Variants in ZNF682 observed in about 807,000 individuals in gnomAD.
ZNF682 encodes the protein zinc finger protein 682.
Under a neutral mutation model 36.5 loss-of-function variants are expected in ZNF682, and 29 were observed. The ratio of observed to expected loss-of-function variants is 0.80; its 90% CI spans 0.59 to 1.08. The LOEUF is 1.08. ZNF682 is among the 50% of genes least tolerant of loss of function. The pLI is 0.00. For synonymous variants in ZNF682, 180 were observed against 197.0 expected, an observed-to-expected ratio of 0.91 and a Z score of 0.72; for missense variants, 561 against 579.7, an observed-to-expected ratio of 0.97 and a Z score of 0.33.
intron 1 of ZNF682, among the ~76,000 whole-genome samples, chr19:20,033,127 C>CACAA (rs1568547351): frequency 6.6e-6 from 1 of 151,950 alleles, no homozygotes; most frequent in African/African-American, 2.4e-5. Flanking sequence ...ATTAGCCAGG[C>CACAA]GTTGTGGTGG....
intron 1 of ZNF682, among the ~76,000 whole-genome samples, chr19:20,034,891 G>C (rs769779146): frequency 1.3e-5 from 2 of 152,146 alleles, no homozygotes; most frequent in Non-Finnish European, 2.9e-5. Flanking sequence ...CAGGTCCAAA[G>C]TTCGAGACCA....
At chr19:19,998,526 ACTAT>A (rs1003596809) in intron 3 of ZNF682, among the ~76,000 whole-genome samples, 3 of 152,132 alleles carry the variant, frequency 2.0e-5, no homozygotes, top group African/African-American at 7.2e-5. Context: ...AACAACAAAT[ACTAT>A]CTCACAATTT....
At chr19:20,008,005 G>A (rs1328006625) in intron 3 of ZNF682, 1 of 152,524 alleles carries the variant, frequency 6.6e-6, no homozygotes, top group East Asian at 1.9e-4. Context: ...TCCTGCAGAA[G>A]GGTGCCCACA....
rs1201314594 is a variant in ZNF682 at position 20,006,589 on chromosome 19, T to G, written c.913A>C (p.Thr305Pro). The G allele has an allele frequency of 6.2e-7, 1 of 1,614,092 alleles. No individual in the cohort carries two copies. Among genetic ancestry groups the G allele is most frequent in the African/African-American group, 1.3e-5 (1 of 74,936 alleles). Residue 305 changes from threonine (T) to proline (P), a missense_variant, in exon 4 of 4, where the codon ACA becomes CCA. Transcript: ENST00000397165. ...TAGGGTTTCTTTCCAGTGTGAATTG[T>G]CTTATGTTTGGTGAGATGTGAGTGC... ...NRHSHLTKHK[T>P]IHTGKKPYKC... is the part of the protein sequence containing the mutation.
chr19:20,006,066 TTC>T lies in ZNF682; in HGVS notation c.1434_1435del (p.Lys479IlefsTer5). ...CCCACATTTTTTATACTTGCAGGAT[TTC>T]TCTCCTCTTTGAACTCTCTTATGTT... is the stretch of plus-strand genomic sequence containing the variant. On this transcript the variant is annotated frameshift_variant, in exon 4 of 4. Coordinates refer to ENST00000397165, the MANE Select transcript of ZNF682 (RefSeq NM_033196.3). LOFTEE classifies it high-confidence loss of function. 6.2e-7 allele frequency: 1 copy of T among 1,611,252 alleles called. No homozygotes were observed. Among genetic ancestry groups the T allele is most frequent in the Non-Finnish European group, 8.5e-7 (1 of 1,178,236 alleles).
intron 3 of ZNF682, chr19:20,015,403 A>G (rs1366169692): frequency 1.0e-6 from 1 of 984,940 alleles, no homozygotes; most frequent in Non-Finnish European, 1.2e-6. Context: ...TTCATATCTG[A>G]CTTTTGCCTC....
intron 3 of ZNF682, among the ~76,000 whole-genome samples, chr19:20,020,279 C>T (rs1430614862): frequency 6.6e-6 from 1 of 151,930 alleles, no homozygotes; most frequent in East Asian, 1.9e-4. Flanking sequence ...AGGCGGATCA[C>T]GAGGTCAGGA....
In ZNF682 at chr19:20,005,093, T is replaced by A. The variant is rs778966230; in HGVS notation, c.*912A>T. ...ATATAAACTAGCGTTCTTTCTTTTTTTTTGAGACAGAGTCTCTGTCGCCCA... is the reference window on the plus strand; with the variant it reads ...ATATAAACTAGCGTTCTTTCTTTTTATTTGAGACAGAGTCTCTGTCGCCCA... On this transcript the variant is annotated 3_prime_UTR_variant, in exon 4 of 4. Coordinates refer to ENST00000397165, the MANE Select transcript of ZNF682 (RefSeq NM_033196.3). 1 of 152,198 alleles carries A rather than the reference T, an allele frequency of 6.6e-6. No homozygotes were observed. Among genetic ancestry groups the A allele is most frequent in the African/African-American group, 2.4e-5 (1 of 41,458 alleles). The allele number at this position is 152,198 out of a possible 1,614,324, so 9.4% of individuals were successfully genotyped here. A position where few individuals can be genotyped will look rare whatever the true frequency, so the allele number is the denominator to read the frequency against.
intron 1 of ZNF682, among the ~76,000 whole-genome samples, chr19:20,032,275 G>C (rs889408380): frequency 2.0e-5 from 3 of 152,176 alleles, no homozygotes; most frequent in Non-Finnish European, 4.4e-5. Context: ...ACAGGAGGAG[G>C]AAAAGAACAT....
chr19:20,026,931 A>G (rs1466104608), intron 1 of ZNF682, among the ~76,000 whole-genome samples: 1 of 152,230 alleles, frequency 6.6e-6, no homozygotes, highest in Non-Finnish European at 1.5e-5. Flanking sequence ...AATATTTATA[A>G]GAAGAAAAGG....
chr19:20,029,001 T>TA (rs1222385277), intron 1 of ZNF682, among the ~76,000 whole-genome samples: 1 of 142,194 alleles, frequency 7.0e-6, no homozygotes, highest in Non-Finnish European at 1.5e-5. Flanking sequence ...TTTTTGGAGA[T>TA]AGAGTCTTGC....
chr19:19,999,415 A>G (rs1401781670), intron 3 of ZNF682, among the ~76,000 whole-genome samples: 1 of 112,206 alleles, frequency 8.9e-6, no homozygotes. Context: ...TCCTTTGCTT[A>G]AGAGATTTTT....
intron 2 of ZNF682, 57 bp downstream of exon 2, chr19:20,024,192 AG>A (rs1318410483): frequency 1.3e-6 from 2 of 1,595,274 alleles, no homozygotes; most frequent in South Asian, 1.1e-5. Flanking sequence ...CATTCTACAG[AG>A]GAAGAAAATA....
At position 20,006,814 on chromosome 19, in the gene ZNF682, T is replaced by G. The variant is rs771836810; in HGVS notation, c.688A>C (p.Lys230Gln). 9.3e-6 allele frequency: 15 copies of G among 1,614,036 alleles called. No individual in the cohort carries two copies. In the African/African-American group the frequency reaches 2.0e-4, roughly 22 times the overall value. Residue 230 changes from lysine to glutamine, a missense_variant, in exon 4 of 4, where the codon AAA becomes CAA. By Grantham distance (53) the Lys-to-Gln change is moderately conservative (BLOSUM62 1). Transcript: ENST00000397165. ...KRIHTGEKPY[K>Q]CEECGKAFNW... ...AAAGCTTTGCCACATTCTTCACATT[T>G]GTATGGTTTCTCTCCAGTGTGAATT...
At chr19:20,012,346 GAAAA>G (rs1241016445) in intron 3 of ZNF682, among the ~76,000 whole-genome samples, 7 of 151,240 alleles carry the variant, frequency 4.6e-5, no homozygotes, top group Admixed American at 3.3e-4. Flanking sequence ...AGTTAACAAA[GAAAA>G]AAAAGGATCC....
At chr19:19,998,448 G>A (rs1418697558) in intron 3 of ZNF682, among the ~76,000 whole-genome samples, 1 of 152,136 alleles carries the variant, frequency 6.6e-6, no homozygotes, top group Non-Finnish European at 1.5e-5. Context: ...GAGAATCTTG[G>A]GGCCTGGGAG....
intron 1 of ZNF682, among the ~76,000 whole-genome samples, chr19:20,025,805 A>C (rs2088426544): frequency 6.6e-6 from 1 of 152,244 alleles, no homozygotes; most frequent in Non-Finnish European, 1.5e-5. Context: ...AGTAAATTAT[A>C]ACCTGAATCT....
At chr19:20,030,503 C>CG (rs2088470708) in intron 1 of ZNF682, among the ~76,000 whole-genome samples, 1 of 152,086 alleles carries the variant, frequency 6.6e-6, no homozygotes, top group Admixed American at 6.6e-5. Context: ...ACCCGGTAGG[C>CG]GAAGGTTGCA....
chr19:19,995,352 G>A (rs1056108817), downstream of ZNF682, among the ~76,000 whole-genome samples: 3 of 152,104 alleles, frequency 2.0e-5, no homozygotes, highest in Non-Finnish European at 4.4e-5. Context: ...ACTCATCCGC[G>A]CACAGATGAG....
Sources: allele counts gnomAD v4.1 joint callset (sites outside exome capture counted in the v4.1 genomes callset), GRCh38; gene constraint gnomAD v4.1.1; transcripts MANE v1.5; gene names NCBI Gene and HGNC (gene_info 2026-07-23, HGNC 2026-07-21).